The following CNGA3 variants were observed in gnomAD, a reference collection of about 807,000 sequenced individuals.
The protein encoded by CNGA3 is cyclic nucleotide gated channel subunit alpha 3.
In CNGA3, 42 loss-of-function variants were observed where a neutral mutation model predicts 46.6. That is an observed-to-expected ratio of 0.90 (90% CI 0.70 to 1.17). The LOEUF (loss-of-function observed/expected upper bound fraction) is 1.17. Among genes scored for constraint, CNGA3 ranks in the 50% most tolerant of loss-of-function variants. The probability of loss-of-function intolerance (pLI) is 0.00; values close to 1 mark genes in which losing one functional copy is unlikely to be tolerated. For synonymous variants in CNGA3, 394 were observed against 369.4 expected (o/e 1.07, Z -0.76); for missense variants, 893 against 890.7 (o/e 1.00, Z -0.03).
At chr2:98,373,386 G>A (rs949173452) in intron 2 of CNGA3, among the ~76,000 whole-genome samples, 10 of 152,244 alleles carry the variant, frequency 6.6e-5, no homozygotes, top group South Asian at 6.2e-4. Context: ...TGGGGTACAC[G>A]AACGTTAATC....
intron 2 of CNGA3, among the ~76,000 whole-genome samples, chr2:98,374,813 C>T (rs896950411): frequency 5.9e-5 from 9 of 152,216 alleles, no homozygotes; most frequent in Non-Finnish European, 1.0e-4. Context: ...AGTGGGGCAA[C>T]GCATAGGGAA....
chr2:98,367,154 T>A (rs1013235944), intron 1 of CNGA3, among the ~76,000 whole-genome samples: 2 of 148,874 alleles, frequency 1.3e-5, no homozygotes, highest in Non-Finnish European at 3.0e-5. Context: ...GGTGAGAACC[T>A]CTGACATCAG....
At chr2:98,368,845 T>C (rs992557921) in intron 1 of CNGA3, among the ~76,000 whole-genome samples, 2 of 152,210 alleles carry the variant, frequency 1.3e-5, no homozygotes, top group African/African-American at 2.4e-5. Flanking sequence ...TGTTCTCTTA[T>C]GCTGAGTCAG....
chr2:98,368,358 A>G (rs1692209893), intron 1 of CNGA3, among the ~76,000 whole-genome samples: 1 of 152,224 alleles, frequency 6.6e-6, no homozygotes, highest in African/African-American at 2.4e-5. Flanking sequence ...CTCCACTGAC[A>G]TCTGACACAC....
intron 1 of CNGA3, among the ~76,000 whole-genome samples, chr2:98,367,694 T>A (rs1488591658): frequency 3.3e-5 from 5 of 152,122 alleles, no homozygotes; most frequent in Non-Finnish European, 5.9e-5. Flanking sequence ...TGGGGCACTG[T>A]GTTCAGCACC....
intron 1 of CNGA3, among the ~76,000 whole-genome samples, chr2:98,358,116 T>C (rs1235772611): frequency 2.0e-5 from 3 of 152,266 alleles, no homozygotes; most frequent in African/African-American, 7.2e-5. Flanking sequence ...GTGGTTTCAT[T>C]ATCTCATTGG....
intron 5 of CNGA3, 105 bp from the exon 6 acceptor site, chr2:98,389,553 G>T: frequency 1.0e-6 from 1 of 971,744 alleles, no homozygotes; most frequent in Non-Finnish European, 1.7e-6. Context: ...GTTGTGGACA[G>T]CCACATCTTG....
intron 7 of CNGA3, among the ~76,000 whole-genome samples, chr2:98,393,466 C>T (rs988707754): frequency 6.6e-6 from 1 of 152,230 alleles, no homozygotes; most frequent in African/African-American, 2.4e-5. Flanking sequence ...AGTCACTGCC[C>T]AGCCACACCA....
At chr2:98,377,851 A>G (rs1423605977) in intron 3 of CNGA3, 51 bp downstream of exon 3, 7 of 1,526,430 alleles carry the variant, frequency 4.6e-6, no homozygotes, top group Non-Finnish European at 5.4e-6. Context: ...ACTGTTGCAG[A>G]AAGAAGGTAG....
chr2:98,388,657 C>T (rs1692715188), intron 5 of CNGA3, among the ~76,000 whole-genome samples: 1 of 152,366 alleles, frequency 6.6e-6, no homozygotes, highest in East Asian at 1.9e-4. Context: ...TGTGAGCCTG[C>T]TCATGTGCCC....
intron 1 of CNGA3, among the ~76,000 whole-genome samples, chr2:98,360,168 C>A (rs1299605337): frequency 2.0e-5 from 3 of 152,216 alleles, no homozygotes; most frequent in Non-Finnish European, 4.4e-5. Flanking sequence ...GGAAATGACT[C>A]ACCTGTCCAG....
chr2:98,372,398 A>G (rs1221062313), intron 2 of CNGA3, among the ~76,000 whole-genome samples: 1 of 152,234 alleles, frequency 6.6e-6, no homozygotes, highest in Non-Finnish European at 1.5e-5. Context: ...GACAAGGGTC[A>G]CAGCACCTCT....
At position 98,382,760 on chromosome 2, in the gene CNGA3, C is replaced by T. The variant is rs76055744; in HGVS notation, c.396-628C>T. On this transcript the variant is annotated intron_variant, in intron 4 of 7. Transcript: ENST00000272602. ...CAGTTTGTGCAAAACCAGCCCCTAC[C>T]TTCAACCAGATTCTCACATAGATCA... Among the ~76,000 whole-genome samples the T allele has an allele frequency of 4.9e-3, 743 of 152,348 alleles. 2 individuals are homozygous for T. Among genetic ancestry groups the T allele is most frequent in the East Asian group, 0.012 (61 of 5,190 alleles).
At chr2:98,378,627 G>T (rs546074332) in intron 3 of CNGA3, among the ~76,000 whole-genome samples, 2 of 152,316 alleles carry the variant, frequency 1.3e-5, no homozygotes, top group African/African-American at 4.8e-5. Flanking sequence ...CTAGTCCATT[G>T]TAGCTGGGCA....
At chr2:98,374,392 T>A (rs1008053326) in intron 2 of CNGA3, among the ~76,000 whole-genome samples, 1 of 152,164 alleles carries the variant, frequency 6.6e-6, no homozygotes, top group Admixed American at 6.5e-5. Context: ...CCACATGGGA[T>A]CTTAGAATAG....
chr2:98,394,065 G>C (rs868485572), intron 7 of CNGA3, among the ~76,000 whole-genome samples: 2 of 151,740 alleles, frequency 1.3e-5, no homozygotes, highest in Non-Finnish European at 2.9e-5. Flanking sequence ...TGCTAGACTT[G>C]CCCCCAACTT....
chr2:98,378,088 G>A (rs994130076), intron 3 of CNGA3: 35 of 1,550,742 alleles, frequency 2.3e-5, no homozygotes, highest in African/African-American at 2.1e-4. Flanking sequence ...AAAGCCAACC[G>A]GAGAAGGTGG....
chr2:98,375,012 C>G (rs979625461), intron 2 of CNGA3, among the ~76,000 whole-genome samples: 2 of 152,250 alleles, frequency 1.3e-5, no homozygotes, highest in Non-Finnish European at 2.9e-5. Context: ...GAATACTCAG[C>G]CTGCAGGTGC....
intron 1 of CNGA3, among the ~76,000 whole-genome samples, chr2:98,358,270 TG>T (rs1691934312): frequency 6.6e-6 from 1 of 152,270 alleles, no homozygotes. Flanking sequence ...CTATAGGAAT[TG>T]ACCAATCAAA....
Sources: allele counts gnomAD v4.1 joint callset (sites outside exome capture counted in the v4.1 genomes callset), GRCh38; gene constraint gnomAD v4.1.1; transcripts MANE v1.5; gene names NCBI Gene and HGNC (gene_info 2026-07-23, HGNC 2026-07-21).